Variants in NECTIN3 observed in about 807,000 individuals in gnomAD.
NECTIN3 encodes the protein nectin cell adhesion molecule 3.
NECTIN3 carries 8 observed loss-of-function variants against 49.4 expected under a neutral mutation model. The ratio of observed to expected loss-of-function variants is 0.16; its 90% CI spans 0.10 to 0.29. The LOEUF is 0.29. Ranked by LOEUF, NECTIN3 falls within the 10% of genes least tolerant of loss-of-function variation. NECTIN3 has a pLI of 1.00. For missense variants in NECTIN3, 581 were observed against 654.6 expected, an observed-to-expected ratio of 0.89 and a Z score of 1.23; for synonymous variants, 277 against 241.1, an observed-to-expected ratio of 1.15 and a Z score of -1.38.
upstream of NECTIN3, among the ~76,000 whole-genome samples, chr3:111,189,012 G>A (rs2035769745): frequency 6.6e-6 from 1 of 152,100 alleles, no homozygotes. Context: ...AATAGTCAAG[G>A]ACTATGTTGT....
chr3:111,157,784 C>A (rs990339840), intron 7 of NECTIN3, among the ~76,000 whole-genome samples: 5 of 152,094 alleles, frequency 3.3e-5, no homozygotes, highest in East Asian at 1.9e-4. Context: ...CATCTTGACT[C>A]CTTTTTTTCC....
intron 1 of NECTIN3, among the ~76,000 whole-genome samples, chr3:111,092,325 T>TA (rs1357913682): frequency 1.3e-5 from 2 of 152,222 alleles, no homozygotes; most frequent in African/African-American, 2.4e-5. Flanking sequence ...ATCTGTTTTT[T>TA]ATCCTTTAAT....
At position 111,136,239 on chromosome 3, in the gene NECTIN3, A is replaced by G. The variant is rs1489342361; in HGVS notation, c.*2024A>G. Reference sequence around the variant, plus strand: ...ACATTTAGGATTCTATATAAATCTCAACTGGAGTATAATCTGAAGGAAATT... The same window carrying G: ...ACATTTAGGATTCTATATAAATCTCGACTGGAGTATAATCTGAAGGAAATT... On this transcript the variant is annotated 3_prime_UTR_variant, in exon 6 of 6. Coordinates refer to ENST00000485303, the MANE Select transcript of NECTIN3 (RefSeq NM_015480.3). 1.0e-6 allele frequency: 1 copy of G among 955,276 alleles called. No individual in the cohort carries two copies. The highest frequency in any genetic ancestry group is 1.2e-6 in the Non-Finnish European group (1 of 802,858). 59.2% of individuals were successfully genotyped at this position (955,276 alleles called of 1,614,324 possible). A position where few individuals can be genotyped will look rare whatever the true frequency, so the allele number is the denominator to read the frequency against.
chr3:111,107,068 T>C (rs1431690405), intron 1 of NECTIN3, among the ~76,000 whole-genome samples: 1 of 152,190 alleles, frequency 6.6e-6, no homozygotes, highest in African/African-American at 2.4e-5. Context: ...TTTATTCATA[T>C]TTTAATTTCA....
upstream of NECTIN3, chr3:111,192,350 G>T: frequency 6.5e-7 from 1 of 1,535,700 alleles, no homozygotes; most frequent in South Asian, 1.2e-5. Context: ...TTTTCTTCCA[G>T]CCTGAACACT....
Position 111,135,009 on chromosome 3 carries a change from G to A in NECTIN3, c.*794G>A, listed in dbSNP as rs915540193. 4.7e-5 allele frequency: 46 copies of A among 978,568 alleles called. No homozygotes were observed. The South Asian group carries it at 5.7e-4, about 12-fold the overall frequency. The allele number at this position is 978,568 out of a possible 1,614,324, so 60.6% of individuals were successfully genotyped here. ...TTTCCTTTCTGGAACATGGATTTTGGTACATTAGCAGTAGCCTTATTTTAA... is the reference window on the plus strand; with the variant it reads ...TTTCCTTTCTGGAACATGGATTTTGATACATTAGCAGTAGCCTTATTTTAA... On this transcript the variant is annotated 3_prime_UTR_variant, in exon 6 of 6. Coordinates refer to ENST00000485303, the MANE Select transcript of NECTIN3 (RefSeq NM_015480.3).
In NECTIN3 at chr3:111,134,437, T is replaced by C. The variant is rs2034506165; in HGVS notation, c.*222T>C. 1 of 1,217,744 alleles carries C rather than the reference T, an allele frequency of 8.2e-7. No homozygotes were observed. Among genetic ancestry groups the C allele is most frequent in the African/African-American group, 1.6e-5 (1 of 63,596 alleles). 75.4% of individuals were successfully genotyped at this position (1,217,744 alleles called of 1,614,324 possible). A position where few individuals can be genotyped will look rare whatever the true frequency, so the allele number is the denominator to read the frequency against. On this transcript the variant is annotated 3_prime_UTR_variant, in exon 6 of 6. Coordinates refer to ENST00000485303, the MANE Select transcript of NECTIN3 (RefSeq NM_015480.3). ...CAATGCTGTACTACTGTCTCAAGATTTAAATTTTAATGCAGAGTACTTTAT... is the reference window on the plus strand; with the variant it reads ...CAATGCTGTACTACTGTCTCAAGATCTAAATTTTAATGCAGAGTACTTTAT...
intron 1 of NECTIN3, among the ~76,000 whole-genome samples, chr3:111,101,372 A>G (rs1232496553): frequency 1.3e-5 from 2 of 152,136 alleles, no homozygotes; most frequent in East Asian, 3.8e-4. Context: ...AAATATCATG[A>G]TACAGTAGGA....
chr3:111,143,534 T>A (rs2034801325), intron 5 of NECTIN3, among the ~76,000 whole-genome samples: 1 of 151,920 alleles, frequency 6.6e-6, no homozygotes, highest in African/African-American at 2.4e-5. Context: ...CAAAAACAAT[T>A]GGAAAATACT....
intron 1 of NECTIN3, among the ~76,000 whole-genome samples, chr3:111,095,990 G>A (rs2032562646): frequency 6.6e-6 from 1 of 152,176 alleles, no homozygotes; most frequent in Non-Finnish European, 1.5e-5. Context: ...CTGAACATGT[G>A]GAAGTGACTT....
intron 1 of NECTIN3, among the ~76,000 whole-genome samples, chr3:111,097,033 C>A (rs1444602008): frequency 1.3e-5 from 2 of 152,164 alleles, no homozygotes; most frequent in African/African-American, 4.8e-5. Flanking sequence ...TTGCACTGTT[C>A]ACCTGGAAAA....
intron 1 of NECTIN3, among the ~76,000 whole-genome samples, chr3:111,102,831 A>T (rs924550188): frequency 1.3e-5 from 2 of 152,206 alleles, no homozygotes; most frequent in African/African-American, 4.8e-5. Flanking sequence ...TGTGAAAGAT[A>T]TAAAATCTGT....
intron 1 of NECTIN3, chr3:111,074,964 G>C (rs1339330493): frequency 6.6e-6 from 1 of 151,854 alleles, no homozygotes; most frequent in Non-Finnish European, 1.5e-5. Context: ...GTCCCATTTG[G>C]CTCTGAGATT....
At chr3:111,124,460 C>T (rs1299955818) in intron 4 of NECTIN3, among the ~76,000 whole-genome samples, 1 of 152,026 alleles carries the variant, frequency 6.6e-6, no homozygotes, top group Admixed American at 6.6e-5. Context: ...AAACTTTGAG[C>T]CCAAAGTACA....
chr3:111,174,676 T>C (rs1171029949), intron 7 of NECTIN3, among the ~76,000 whole-genome samples: 2 of 144,654 alleles, frequency 1.4e-5, no homozygotes, highest in Admixed American at 6.9e-5. Context: ...TACAGCAGGG[T>C]TGTGGCTTGC....
intron 2 of NECTIN3, 53 bp downstream of exon 2, chr3:111,112,424 A>G (rs2033512235): frequency 9.3e-7 from 1 of 1,078,744 alleles, no homozygotes. Flanking sequence ...ATTATAATAA[A>G]AATATTTTTA....
chr3:111,132,904 T>C (rs1355255811), intron 5 of NECTIN3, among the ~76,000 whole-genome samples: 1 of 152,010 alleles, frequency 6.6e-6, no homozygotes, highest in African/African-American at 2.4e-5. Flanking sequence ...TTACTTTGTC[T>C]ATTAGTTTCC....
intron 7 of NECTIN3, among the ~76,000 whole-genome samples, chr3:111,174,342 C>T (rs2035486153): frequency 6.6e-6 from 1 of 152,168 alleles, no homozygotes; most frequent in Non-Finnish European, 1.5e-5. Flanking sequence ...TACTGATTCT[C>T]ACAGTGTTAT....
At position 111,137,081 on chromosome 3, in the gene NECTIN3, G is replaced by C; in HGVS notation, c.*2866G>C. ...ACGGCTAAATATTTTGCATTAAGGA[G>C]CTGTAGGAGTACAGTGTATAAGTAC... On this transcript the variant is annotated 3_prime_UTR_variant, in exon 6 of 6. Coordinates refer to ENST00000485303, the MANE Select transcript of NECTIN3 (RefSeq NM_015480.3). 1 of 983,116 alleles carries C rather than the reference G, an allele frequency of 1.0e-6. No homozygotes were observed. Among genetic ancestry groups the C allele is most frequent in the Non-Finnish European group, 1.2e-6 (1 of 828,008 alleles). 60.9% of individuals were successfully genotyped at this position (983,116 alleles called of 1,614,324 possible). A position where few individuals can be genotyped will look rare whatever the true frequency, so the allele number is the denominator to read the frequency against.
Sources: allele counts gnomAD v4.1 joint callset (sites outside exome capture counted in the v4.1 genomes callset), GRCh38; gene constraint gnomAD v4.1.1; transcripts MANE v1.5; gene names NCBI Gene and HGNC (gene_info 2026-07-23, HGNC 2026-07-21).